The following CNTN5 variants were observed in gnomAD, a reference collection of about 807,000 sequenced individuals.
CNTN5 encodes contactin 5, also known as contactin-5.
A neutral mutation model predicts 129.1 loss-of-function variants in CNTN5; 77 were observed. That is an observed-to-expected ratio of 0.60 (90% confidence interval 0.50 to 0.72). CNTN5 has a LOEUF of 0.72. CNTN5 is among the 30% of genes least tolerant of loss of function. The pLI, the probability that CNTN5 is intolerant of heterozygous loss-of-function variation, is 0.00. For missense variants in CNTN5, 1,478 were observed against 1,328.8 expected, an observed-to-expected ratio of 1.11 and a Z score of -1.75; for synonymous variants, 509 against 465.6, an observed-to-expected ratio of 1.09 and a Z score of -1.20.
intron 2 of CNTN5, among the ~76,000 whole-genome samples, chr11:99,489,935 G>A (rs1442480672): frequency 6.6e-6 from 1 of 152,112 alleles, no homozygotes; most frequent in Non-Finnish European, 1.5e-5. Flanking sequence ...TGCATATTAT[G>A]GGGGATTGAA....
At chr11:99,521,810 G>T (rs939659177) in intron 2 of CNTN5, among the ~76,000 whole-genome samples, 1 of 152,154 alleles carries the variant, frequency 6.6e-6, no homozygotes, top group African/African-American at 2.4e-5. Context: ...TTTCTGGTAG[G>T]TAACAGTTGT....
chr11:100,221,115 C>T (rs1401776308), intron 15 of CNTN5, among the ~76,000 whole-genome samples: 1 of 152,124 alleles, frequency 6.6e-6, no homozygotes, highest in African/African-American at 2.4e-5. Context: ...CTAAGGAAGC[C>T]TAGGGAGAGA....
intron 4 of CNTN5, among the ~76,000 whole-genome samples, chr11:99,828,288 A>G (rs972341684): frequency 1.3e-5 from 2 of 152,116 alleles, no homozygotes; most frequent in Non-Finnish European, 2.9e-5. Flanking sequence ...GTCTTAGTCC[A>G]TTTTGTGATT....
chr11:99,515,230 TCAGA>T (rs1314644997), intron 2 of CNTN5, among the ~76,000 whole-genome samples: 2 of 152,046 alleles, frequency 1.3e-5, no homozygotes, highest in African/African-American at 4.8e-5. Context: ...GAATGTGGTG[TCAGA>T]CAAAGCAAAA....
chr11:100,178,087 C>G (rs1423138307), intron 13 of CNTN5, among the ~76,000 whole-genome samples: 1 of 151,974 alleles, frequency 6.6e-6, no homozygotes, highest in Non-Finnish European at 1.5e-5. Context: ...GATCATGAAC[C>G]CTTTATCAAT....
chr11:100,305,867 T>C (rs1041331992), intron 20 of CNTN5, among the ~76,000 whole-genome samples: 2 of 151,368 alleles, frequency 1.3e-5, no homozygotes, highest in African/African-American at 2.4e-5. Context: ...AATCTTTGGC[T>C]TCCCTGGGCC....
chr11:100,043,688 G>T (rs930588988), intron 9 of CNTN5, among the ~76,000 whole-genome samples: 1 of 151,916 alleles, frequency 6.6e-6, no homozygotes, highest in African/African-American at 2.4e-5. Context: ...TTTGCCTCCT[G>T]CAAAAATTGC....
intron 9 of CNTN5, among the ~76,000 whole-genome samples, chr11:100,049,557 G>T (rs996440426): frequency 1.3e-5 from 2 of 152,064 alleles, no homozygotes; most frequent in African/African-American, 2.4e-5. Flanking sequence ...CTAAACCAAA[G>T]AAAAACATTG....
At chr11:99,153,383 C>G (rs1454109337) in intron 1 of CNTN5, among the ~76,000 whole-genome samples, 3 of 151,028 alleles carry the variant, frequency 2.0e-5, no homozygotes, top group Non-Finnish European at 4.4e-5. Flanking sequence ...GATAACTGGT[C>G]TTTGAACTCT....
intron 2 of CNTN5, among the ~76,000 whole-genome samples, chr11:99,476,415 T>TA (rs1945373285): frequency 6.6e-6 from 1 of 152,152 alleles, no homozygotes; most frequent in South Asian, 2.1e-4. Context: ...CCTAATGTAA[T>TA]AAAATATAAT....
At chr11:99,609,373 A>G (rs1463529274) in intron 3 of CNTN5, among the ~76,000 whole-genome samples, 1 of 152,150 alleles carries the variant, frequency 6.6e-6, no homozygotes, top group Non-Finnish European at 1.5e-5. Context: ...TGACTAAGGA[A>G]GGGCTCCTCA....
chr11:99,980,478 G>A (rs1938262469), intron 8 of CNTN5, among the ~76,000 whole-genome samples: 1 of 152,158 alleles, frequency 6.6e-6, no homozygotes, highest in South Asian at 2.1e-4. Flanking sequence ...AATACTTACT[G>A]TGGGTACAGC....
chr11:99,651,533 AGT>A (rs1952156566), intron 3 of CNTN5, among the ~76,000 whole-genome samples: 1 of 152,130 alleles, frequency 6.6e-6, no homozygotes, highest in South Asian at 2.1e-4. Context: ...ACAGATATAA[AGT>A]GTTTTAGCTA....
chr11:99,106,531 T>C (rs1214542801), intron 1 of CNTN5, among the ~76,000 whole-genome samples: 1 of 152,058 alleles, frequency 6.6e-6, no homozygotes, highest in Non-Finnish European at 1.5e-5. Flanking sequence ...GATATTCAGA[T>C]ACTACAGTAA....
rs570999833 is a variant in CNTN5 at position 100,133,248 on chromosome 11, C to T, written c.1581-57878C>T. ...CATCACCCTTCACACAGGCTGTCAGCTTTTAGATACTCTGCACAAAAATGT... is the reference window on the plus strand; with the variant it reads ...CATCACCCTTCACACAGGCTGTCAGTTTTTAGATACTCTGCACAAAAATGT... On this transcript the variant is annotated intron_variant, in intron 13 of 24. Coordinates refer to ENST00000524871, the MANE Select transcript of CNTN5 (RefSeq NM_014361.4). Among the ~76,000 whole-genome samples, 7 of 152,184 alleles carry T rather than the reference C, an allele frequency of 4.6e-5. No individual in the cohort carries two copies. The East Asian group carries it at 1.2e-3, about 25-fold the overall frequency.
At chr11:100,285,846 G>C (rs60979444) in intron 18 of CNTN5, among the ~76,000 whole-genome samples, 1 of 152,146 alleles carries the variant, frequency 6.6e-6, no homozygotes, top group South Asian at 2.1e-4. Context: ...CTGAGGTACC[G>C]GGTTCATCTC....
chr11:99,914,456 G>A (rs1949737791), intron 6 of CNTN5, among the ~76,000 whole-genome samples: 1 of 152,004 alleles, frequency 6.6e-6, no homozygotes, highest in African/African-American at 2.4e-5. Context: ...TGTGTATGTT[G>A]TATTATCTCA....
chr11:100,285,454 AATC>A (rs1473564126), intron 18 of CNTN5, among the ~76,000 whole-genome samples: 1 of 152,132 alleles, frequency 6.6e-6, no homozygotes, highest in Non-Finnish European at 1.5e-5. Flanking sequence ...ATGCCTTCTA[AATC>A]ATCCTTGCAA....
At chr11:99,340,206 A>G (rs1866444964) in intron 2 of CNTN5, among the ~76,000 whole-genome samples, 1 of 152,102 alleles carries the variant, frequency 6.6e-6, no homozygotes, top group Non-Finnish European at 1.5e-5. Flanking sequence ...TTGGGATGGG[A>G]AGATTAAGGA....
Sources: gnomAD v4.1 joint callset for allele counts (sites outside exome capture counted in the v4.1 genomes callset) on GRCh38, gnomAD v4.1.1 for gene constraint, MANE v1.5 for transcripts, NCBI Gene and HGNC (gene_info 2026-07-23, HGNC 2026-07-21) for gene names.